The following ASXL2 variants were observed in gnomAD, a reference collection of about 807,000 sequenced individuals.
The protein encoded by ASXL2 is putative Polycomb group protein ASXL2.
A neutral mutation model predicts 122.0 loss-of-function variants in ASXL2; 23 were observed. The observed-to-expected ratio is 0.19, with a 90% CI of 0.14 to 0.27. ASXL2 has a LOEUF of 0.27. ASXL2 is among the 10% of genes least tolerant of loss of function. The pLI, the probability that ASXL2 is intolerant of heterozygous loss-of-function variation, is 1.00. For synonymous variants in ASXL2, 650 were observed against 637.0 expected (o/e 1.02, Z -0.31); for missense variants, 1,518 against 1,713.8 (o/e 0.89, Z 2.02).
chr2:25,833,679 G>C (rs1156473062), intron 3 of ASXL2, among the ~76,000 whole-genome samples: 2 of 151,734 alleles, frequency 1.3e-5, no homozygotes, highest in Non-Finnish European at 2.9e-5. Flanking sequence ...CTGGGCAACA[G>C]AGCAAGACCC....
At chr2:25,746,034 T>C (rs2087935931) in intron 12 of ASXL2, among the ~76,000 whole-genome samples, 1 of 152,192 alleles carries the variant, frequency 6.6e-6, no homozygotes, top group South Asian at 2.1e-4. Context: ...CTATTAGAGT[T>C]ACTAATAATT....
At chr2:25,846,478 T>C (rs1412075540) in intron 1 of ASXL2, among the ~76,000 whole-genome samples, 2 of 152,064 alleles carry the variant, frequency 1.3e-5, no homozygotes, top group South Asian at 2.1e-4. Context: ...TGAAACCCCA[T>C]CTCTACTGAA....
chr2:25,760,055 T>C (rs1019872542), intron 8 of ASXL2, among the ~76,000 whole-genome samples: 7 of 152,262 alleles, frequency 4.6e-5, no homozygotes, highest in Non-Finnish European at 8.8e-5. Flanking sequence ...CATGACTTTT[T>C]TTTTCACTGA....
At chr2:25,758,220 T>C in intron 9 of ASXL2, among the ~76,000 whole-genome samples, 1 of 152,238 alleles carries the variant, frequency 6.6e-6, no homozygotes, top group Admixed American at 6.5e-5. Context: ...AGAAAGATTA[T>C]TTTCAGAATT....
chr2:25,864,871 G>A (rs1442518982), intron 1 of ASXL2, among the ~76,000 whole-genome samples: 2 of 145,044 alleles, frequency 1.4e-5, no homozygotes, highest in Admixed American at 6.9e-5. Flanking sequence ...CGCTCTCGTT[G>A]CCCAGGCTGC....
intron 2 of ASXL2, among the ~76,000 whole-genome samples, chr2:25,839,945 G>A (rs1395585435): frequency 7.0e-6 from 1 of 142,208 alleles, no homozygotes; most frequent in East Asian, 2.0e-4. Flanking sequence ...TGTTCACGCT[G>A]GTCTCAAACC....
chr2:25,808,253 C>T (rs1419971687), intron 3 of ASXL2, among the ~76,000 whole-genome samples: 2 of 152,188 alleles, frequency 1.3e-5, no homozygotes, highest in African/African-American at 4.8e-5. Flanking sequence ...ACATACAAGA[C>T]AGACTGAGGA....
intron 3 of ASXL2, among the ~76,000 whole-genome samples, chr2:25,816,428 T>C (rs1468527076): frequency 6.6e-6 from 1 of 152,158 alleles, no homozygotes; most frequent in African/African-American, 2.4e-5. Context: ...CACAATGATG[T>C]TCGTCTTGGC....
intron 3 of ASXL2, among the ~76,000 whole-genome samples, chr2:25,816,409 T>C (rs1188081303): frequency 6.6e-6 from 1 of 152,210 alleles, no homozygotes; most frequent in Non-Finnish European, 1.5e-5. Context: ...GTGAAATATA[T>C]TTCCCTGCCA....
chr2:25,865,011 A>C (rs920235198), intron 1 of ASXL2, among the ~76,000 whole-genome samples: 6 of 151,646 alleles, frequency 4.0e-5, no homozygotes, highest in African/African-American at 1.5e-4. Context: ...TGATTAGAAA[A>C]GGGGTTTTGC....
chr2:25,818,595 G>A (rs2089268961), intron 3 of ASXL2, among the ~76,000 whole-genome samples: 1 of 152,204 alleles, frequency 6.6e-6, no homozygotes, highest in Non-Finnish European at 1.5e-5. Flanking sequence ...AGCAATAAAT[G>A]ACTATAGCAG....
At chr2:25,768,022 T>C (rs2088383493) in intron 7 of ASXL2, among the ~76,000 whole-genome samples, 1 of 152,234 alleles carries the variant, frequency 6.6e-6, no homozygotes, top group African/African-American at 2.4e-5. Context: ...CTGAATTATG[T>C]AATACAATAC....
At chr2:25,806,794 A>G (rs889708773) in intron 3 of ASXL2, among the ~76,000 whole-genome samples, 12 of 152,200 alleles carry the variant, frequency 7.9e-5, no homozygotes, top group Non-Finnish European at 1.5e-4. Context: ...CAAACCTATC[A>G]TGAGATCACT....
intron 5 of ASXL2, among the ~76,000 whole-genome samples, chr2:25,778,939 GCTCA>G (rs1482137939): frequency 2.0e-5 from 3 of 152,114 alleles, no homozygotes; most frequent in Non-Finnish European, 2.9e-5. Context: ...CACTAGGAGT[GCTCA>G]CTGTCAATAG....
At chr2:25,747,775 T>A (rs61702354) in intron 12 of ASXL2, among the ~76,000 whole-genome samples, 8,790 of 151,976 alleles carry the variant, frequency 0.058, 290 homozygotes, top group Middle Eastern at 0.095. Flanking sequence ...AAAGTGATTA[T>A]AATAAAAATC....
At position 25,743,667 on chromosome 2, in the gene ASXL2, T is replaced by A; in HGVS notation, c.2670A>T (p.Leu890Phe). 1 of 1,613,892 alleles carries A rather than the reference T, an allele frequency of 6.2e-7. No individual in the cohort carries two copies. Reference sequence around the variant, plus strand: ...GCTTTTCTAAAGTGGCTGTGGTCAATAAAGATGTTAAAGGGGAGGGAGTTA... The same window carrying A: ...GCTTTTCTAAAGTGGCTGTGGTCAAAAAAGATGTTAAAGGGGAGGGAGTTA... ...VAVTPSPLTS[L>F]LTTATLEKLP... Residue 890 changes from leucine to phenylalanine, a missense_variant, in exon 13 of 13, where the codon TTA (leucine) becomes TTT (phenylalanine). This residue lies in a region of ASXL2 where 831 missense variants were observed against 833.1 expected (regional missense o/e 1.00). Transcript: ENST00000435504.
Position 25,766,980 on chromosome 2 carries a change from T to A in ASXL2, c.775+603A>T, listed in dbSNP as rs553689548. 3.3e-5 allele frequency among the ~76,000 whole-genome samples: 5 copies of A among 152,334 alleles called. No homozygotes were observed. In the South Asian group the frequency reaches 1.0e-3, roughly 32 times the overall value. ...TCTGCAACCTTATGTGGCTGCTTTA[T>A]CCCTGGCAACTGCTCTTCAGCTCAG... On this transcript the variant is annotated intron_variant, in intron 8 of 12. Coordinates refer to ENST00000435504, the MANE Select transcript of ASXL2 (RefSeq NM_018263.6).
chr2:25,786,808 T>C (rs1431720178), intron 5 of ASXL2, among the ~76,000 whole-genome samples: 1 of 151,522 alleles, frequency 6.6e-6, no homozygotes, highest in African/African-American at 2.4e-5. Context: ...TGAGCCGAGA[T>C]CACACCACTG....
intron 5 of ASXL2, among the ~76,000 whole-genome samples, chr2:25,799,101 G>A (rs1049844217): frequency 6.6e-6 from 1 of 152,102 alleles, no homozygotes; most frequent in African/African-American, 2.4e-5. Context: ...TTGTGAACCT[G>A]AAACAGCTCT....
Sources: allele counts gnomAD v4.1 joint callset (sites outside exome capture counted in the v4.1 genomes callset), GRCh38; gene constraint gnomAD v4.1.1; regional missense constraint gnomAD v4.1.1; transcripts MANE v1.5; gene names NCBI Gene and HGNC (gene_info 2026-07-23, HGNC 2026-07-21).